The following FOXP2 variants were observed in gnomAD, a reference collection of about 807,000 sequenced individuals.
FOXP2 encodes the protein forkhead box P2.
A neutral mutation model predicts 115.8 loss-of-function variants in FOXP2; 12 were observed. That is an observed-to-expected ratio of 0.10 (90% CI 0.07 to 0.17). FOXP2 has a LOEUF of 0.17. Ranked by LOEUF, FOXP2 falls within the 10% of genes least tolerant of loss-of-function variation. FOXP2 has a pLI of 1.00. For synonymous variants in FOXP2, 328 were observed against 297.7 expected, an observed-to-expected ratio of 1.10 and a Z score of -1.05; for missense variants, 629 against 843.5, an observed-to-expected ratio of 0.75 and a Z score of 3.15.
At chr7:114,569,437 AAAG>A (rs1801182880) in intron 3 of FOXP2, among the ~76,000 whole-genome samples, 1 of 151,952 alleles carries the variant, frequency 6.6e-6, no homozygotes, top group Admixed American at 6.6e-5. Context: ...GCATTTAATT[AAAG>A]AAGAGAAAAT....
chr7:114,329,457 T>G (rs1348007875), intron 2 of FOXP2, among the ~76,000 whole-genome samples: 1 of 147,810 alleles, frequency 6.8e-6, no homozygotes, highest in Non-Finnish European at 1.5e-5. Flanking sequence ...AGGCGGAGGT[T>G]GCAGTGAGCC....
At chr7:114,260,190 CTTT>C (rs373335036) in intron 1 of FOXP2, among the ~76,000 whole-genome samples, 15 of 136,752 alleles carry the variant, frequency 1.1e-4, no homozygotes, top group Admixed American at 3.0e-4. Context: ...TGCGCCCAGC[CTTT>C]TTTTTTTTTT....
chr7:114,412,595 A>G (rs1207767565), upstream of FOXP2, among the ~76,000 whole-genome samples: 1 of 152,086 alleles, frequency 6.6e-6, no homozygotes, highest in Non-Finnish European at 1.5e-5. Flanking sequence ...CTTGCTATAA[A>G]TTATTTAGGC....
intron 16 of FOXP2, among the ~76,000 whole-genome samples, chr7:114,680,396 C>T (rs1808023608): frequency 6.6e-6 from 1 of 152,076 alleles, no homozygotes; most frequent in South Asian, 2.1e-4. Context: ...GCACTAAAAC[C>T]AAAGTTGATG....
chr7:114,323,744 A>C (rs545690734), intron 2 of FOXP2, among the ~76,000 whole-genome samples: 2 of 152,064 alleles, frequency 1.3e-5, no homozygotes, highest in African/African-American at 4.8e-5. Flanking sequence ...AGTACTTATA[A>C]TTTTCCTCCC....
chr7:114,682,517 G>A (rs1025605037), intron 16 of FOXP2, among the ~76,000 whole-genome samples: 1 of 152,098 alleles, frequency 6.6e-6, no homozygotes, highest in Non-Finnish European at 1.5e-5. Context: ...TTGGAAAGAA[G>A]CATTTTTGTA....
intron 3 of FOXP2, among the ~76,000 whole-genome samples, chr7:114,564,724 A>G (rs766148143): frequency 1.3e-5 from 2 of 151,876 alleles, no homozygotes; most frequent in Non-Finnish European, 2.9e-5. Flanking sequence ...TACAAAAATC[A>G]AAGAAAATTA....
intron 3 of FOXP2, among the ~76,000 whole-genome samples, chr7:114,609,543 T>C (rs1803519442): frequency 6.6e-6 from 1 of 152,198 alleles, no homozygotes; most frequent in African/African-American, 2.4e-5. Flanking sequence ...GAACAGTGCT[T>C]GTCATCTTCG....
At chr7:114,590,556 A>G (rs1219792997) in intron 3 of FOXP2, among the ~76,000 whole-genome samples, 1 of 152,206 alleles carries the variant, frequency 6.6e-6, no homozygotes, top group African/African-American at 2.4e-5. Flanking sequence ...TAACTAAGAC[A>G]GGCCATACTG....
At chr7:114,403,922 T>C (rs1350099729) in intron 2 of FOXP2, among the ~76,000 whole-genome samples, 1 of 152,310 alleles carries the variant, frequency 6.6e-6, no homozygotes, top group East Asian at 1.9e-4. Context: ...CTTGCCAGTA[T>C]AGTTTATTAT....
intron 1 of FOXP2, among the ~76,000 whole-genome samples, chr7:114,180,337 T>C (rs1320348108): frequency 6.6e-6 from 1 of 151,960 alleles, no homozygotes; most frequent in Non-Finnish European, 1.5e-5. Flanking sequence ...GAGCCCTTTT[T>C]CTGCCCATCT....
At chr7:114,436,978 T>A (rs1034382332) in intron 2 of FOXP2, among the ~76,000 whole-genome samples, 16 of 152,324 alleles carry the variant, frequency 1.1e-4, no homozygotes, top group South Asian at 2.1e-4. Flanking sequence ...TATCTTTTTA[T>A]GGTAGTTTCT....
intron 2 of FOXP2, among the ~76,000 whole-genome samples, chr7:114,454,073 G>C (rs1795183329): frequency 6.6e-6 from 1 of 150,784 alleles, no homozygotes; most frequent in Non-Finnish European, 1.5e-5. Context: ...CCATCAGAGT[G>C]AACAGGCAAC....
intron 1 of FOXP2, among the ~76,000 whole-genome samples, chr7:114,194,491 GTA>G (rs1360355435): frequency 6.7e-6 from 1 of 149,490 alleles, no homozygotes; most frequent in African/African-American, 2.5e-5. Context: ...TTTTGCTTTT[GTA>G]TATAAGACCT....
chr7:114,682,152 A>C (rs1370753602), intron 16 of FOXP2, among the ~76,000 whole-genome samples: 3 of 152,158 alleles, frequency 2.0e-5, no homozygotes, highest in Non-Finnish European at 4.4e-5. Context: ...AGATACAGAG[A>C]GGTTAAGTAG....
chr7:114,145,032 G>A (rs923629105), intron 1 of FOXP2, among the ~76,000 whole-genome samples: 1 of 152,116 alleles, frequency 6.6e-6, no homozygotes, highest in Non-Finnish European at 1.5e-5. Flanking sequence ...TACTGGGATG[G>A]CAGCATTAGA....
chr7:114,526,064 A>T (rs1358132873), intron 2 of FOXP2, among the ~76,000 whole-genome samples: 1 of 151,436 alleles, frequency 6.6e-6, no homozygotes, highest in Admixed American at 6.6e-5. Context: ...GTGAGCCAAG[A>T]TCACACCATT....
intron 3 of FOXP2, among the ~76,000 whole-genome samples, chr7:114,547,209 C>CT (rs10718007): frequency 1.8e-4 from 28 of 151,964 alleles, no homozygotes; most frequent in Non-Finnish European, 3.1e-4. Context: ...ATATAACATA[C>CT]TTTTTTTAGC....
At chr7:114,284,277 A>T (rs1160385900) in intron 1 of FOXP2, among the ~76,000 whole-genome samples, 1 of 64,414 alleles carries the variant, frequency 1.6e-5, no homozygotes, top group Non-Finnish European at 3.2e-5. Context: ...GCACATTGTT[A>T]AAAAAAAAAA....
Sources: allele counts gnomAD v4.1 joint callset (sites outside exome capture counted in the v4.1 genomes callset), GRCh38; gene constraint gnomAD v4.1.1; transcripts MANE v1.5; gene names NCBI Gene and HGNC (gene_info 2026-07-23, HGNC 2026-07-21).